Variants in SLC12A8 observed in about 807,000 individuals in gnomAD.
SLC12A8 encodes cation-chloride cotransporter 9.
Under a neutral mutation model 75.6 loss-of-function variants are expected in SLC12A8, and 69 were observed. The ratio of observed to expected loss-of-function variants is 0.91; its 90% CI spans 0.75 to 1.11. The LOEUF (loss-of-function observed/expected upper bound fraction) is 1.11. Among genes scored for constraint, SLC12A8 ranks in the 50% most tolerant of loss-of-function variants. SLC12A8 has a pLI of 0.00. For synonymous variants in SLC12A8, 365 were observed against 372.8 expected (o/e 0.98, Z 0.24); for missense variants, 877 against 896.7 (o/e 0.98, Z 0.28).
At position 125,091,484 on chromosome 3, in the gene SLC12A8, T is replaced by C. The variant is rs745580910; in HGVS notation, c.1876A>G (p.Ile626Val). 18 of 1,613,856 alleles carry C rather than the reference T, an allele frequency of 1.1e-5. No homozygotes were observed. The highest frequency in any genetic ancestry group is 1.5e-5 in the Non-Finnish European group (18 of 1,179,932). The change falls in exon 12 of 14, where the codon ATC becomes GTC. Residue 626 changes from isoleucine to valine, a missense_variant. By Grantham distance (29) the Ile-to-Val change is conservative (BLOSUM62 3). Coordinates refer to ENST00000469902, the MANE Select transcript of SLC12A8 (RefSeq NM_024628.6). ...YTLVNMGVAA[I>V]VYFYIGRASP... ...GCCCGGCCAATGTAGAAATACACGATGGCAGCAACACCCATGTTAACCAGG... is the reference window on the plus strand; with the variant it reads ...GCCCGGCCAATGTAGAAATACACGACGGCAGCAACACCCATGTTAACCAGG...
At chr3:125,202,569 G>C (rs1382115836) in intron 2 of SLC12A8, among the ~76,000 whole-genome samples, 2 of 151,840 alleles carry the variant, frequency 1.3e-5, no homozygotes, top group Non-Finnish European at 2.9e-5. Flanking sequence ...CCTTAAGGCA[G>C]TAAGAAGGTT....
At chr3:125,208,556 A>C (rs1319594009) in intron 2 of SLC12A8, among the ~76,000 whole-genome samples, 1 of 152,128 alleles carries the variant, frequency 6.6e-6, no homozygotes, top group Non-Finnish European at 1.5e-5. Flanking sequence ...TCTCTATGGT[A>C]GTTTCAATCA....
At chr3:125,179,978 A>T (rs1378767972) in intron 4 of SLC12A8, among the ~76,000 whole-genome samples, 2 of 152,232 alleles carry the variant, frequency 1.3e-5, no homozygotes, top group African/African-American at 4.8e-5. Flanking sequence ...GATGTCTCTG[A>T]CATGCAGAGG....
At chr3:125,191,189 A>T (rs374997583) in intron 2 of SLC12A8, among the ~76,000 whole-genome samples, 2 of 152,300 alleles carry the variant, frequency 1.3e-5, no homozygotes, top group East Asian at 1.9e-4. Flanking sequence ...ATACCCCAGG[A>T]TTCTTCAGCA....
intron 6 of SLC12A8, among the ~76,000 whole-genome samples, chr3:125,122,150 A>T (rs1043544811): frequency 3.9e-5 from 6 of 152,242 alleles, no homozygotes; most frequent in Non-Finnish European, 7.3e-5. Flanking sequence ...TTTAAGACGC[A>T]TATTAGAAAA....
In SLC12A8 at chr3:125,107,920, C is replaced by G. The variant is rs112841218; in HGVS notation, c.1266G>C (p.Glu422Asp). 17 of 1,614,188 alleles carry G rather than the reference C, an allele frequency of 1.1e-5. No individual in the cohort carries two copies. In the African/African-American group the frequency reaches 1.2e-4, roughly 11 times the overall value. ...LTPVPEPVLR[E>D]GAEGLHCSEH... The stretch of plus-strand genomic sequence containing the variant: ...CAGAGCAGTGGAGGCCTTCTGCGCC[C>G]TCCCTGAGCACCGGCTCAGGCACCG... The change falls in exon 10 of 14, where the codon GAG (glutamate) becomes GAC (aspartate). Residue 422 changes from glutamate to aspartate, a missense_variant. Coordinates refer to ENST00000469902, the MANE Select transcript of SLC12A8 (RefSeq NM_024628.6).
At chr3:125,085,678 G>A (rs1159413050) in intron 13 of SLC12A8, among the ~76,000 whole-genome samples, 5 of 152,288 alleles carry the variant, frequency 3.3e-5, no homozygotes, top group Non-Finnish European at 4.4e-5. Context: ...CCAGGTTCAA[G>A]CAATTCTCAT....
chr3:125,154,303 C>T (rs1447506678), intron 5 of SLC12A8, among the ~76,000 whole-genome samples: 1 of 152,312 alleles, frequency 6.6e-6, no homozygotes, highest in South Asian at 2.1e-4. Flanking sequence ...GAGCAGGCGG[C>T]CCCAGCAGCT....
chr3:125,173,023 A>T (rs1934438754), intron 5 of SLC12A8, among the ~76,000 whole-genome samples: 1 of 152,124 alleles, frequency 6.6e-6, no homozygotes, highest in African/African-American at 2.4e-5. Flanking sequence ...TACCAAAAAT[A>T]CAAAAATTAG....
At chr3:125,096,726 C>T (rs1391306717) in intron 10 of SLC12A8, among the ~76,000 whole-genome samples, 2 of 152,178 alleles carry the variant, frequency 1.3e-5, no homozygotes, top group Admixed American at 6.5e-5. Flanking sequence ...AAAATAAAGT[C>T]TGCAAGATTG....
chr3:125,091,378 T>G (rs946463476), intron 12 of SLC12A8, 61 bp downstream of exon 12: 1 of 1,116,928 alleles, frequency 9.0e-7, no homozygotes, highest in African/African-American at 1.5e-5. Flanking sequence ...AAAATCTTTT[T>G]TTTCCCAATG....
chr3:125,102,252 C>T (rs780270145), intron 10 of SLC12A8, among the ~76,000 whole-genome samples: 11 of 151,860 alleles, frequency 7.2e-5, no homozygotes, highest in East Asian at 3.9e-4. Flanking sequence ...GTGAAGCAAT[C>T]GGAGGAGGCA....
At position 125,182,273 on chromosome 3, in the gene SLC12A8, G is replaced by T. The variant is rs929425848; in HGVS notation, c.391-4299C>A. Among the ~76,000 whole-genome samples the T allele has an allele frequency of 2.6e-5, 4 of 152,204 alleles. No homozygotes were observed. The South Asian group carries it at 8.3e-4, about 32-fold the overall frequency. ...GCCCAGGAGTGCCAGGCTGCAGTGA[G>T]CTGTGATGGCGTCACTGCACTCCAC... On this transcript the variant is annotated intron_variant, in intron 4 of 13. Coordinates refer to ENST00000469902, the MANE Select transcript of SLC12A8 (RefSeq NM_024628.6).
In SLC12A8 at chr3:125,107,526, G is replaced by T; in HGVS notation, c.1660C>A (p.Gln554Lys). Residue 554 changes from glutamine (Q) to lysine (K), a missense_variant, in exon 10 of 14, where the codon CAA (glutamine) becomes AAA (lysine). Coordinates refer to ENST00000469902, the MANE Select transcript of SLC12A8 (RefSeq NM_024628.6). Reference sequence around the variant, plus strand: ...TGGTTGCACAGCTCAGGAACAAGTTGCTCTCCATATGTTCCCTCAGGCTGA... The same window carrying T: ...TGGTTGCACAGCTCAGGAACAAGTTTCTCTCCATATGTTCCCTCAGGCTGA... Reference protein sequence around the residue: ...GTQPEGTYGEQLVPELCNQSE... With the variant: ...GTQPEGTYGEKLVPELCNQSE... 1 of 1,613,800 alleles carries T rather than the reference G, an allele frequency of 6.2e-7. No homozygotes were observed.
chr3:125,155,999 T>C (rs1361198320), intron 5 of SLC12A8, among the ~76,000 whole-genome samples: 3 of 152,124 alleles, frequency 2.0e-5, no homozygotes, highest in East Asian at 1.9e-4. Context: ...GGTCACAGAC[T>C]TGTGAGCCAG....
At chr3:125,141,135 A>G (rs377540442) in intron 5 of SLC12A8, among the ~76,000 whole-genome samples, 1 of 146,444 alleles carries the variant, frequency 6.8e-6, no homozygotes, top group African/African-American at 2.5e-5. Context: ...TTTGAGCTGT[A>G]TGCTTTTAGG....
rs1437623568 is a variant in SLC12A8, at chr3:125,107,667, A to G, written c.1519T>C (p.Leu507=). ...AAAGAAGGAGGGGATTTGAGGTCCA[A>G]GAGGAAGCTATCTTGTAGGGTCTGC... The part of the protein sequence containing the change: ...TKQTLQDSFL[L]DLKSPPSFPV... Residue 507 remains leucine (L), a synonymous_variant, in exon 10 of 14, where the codon TTG becomes CTG. Coordinates refer to ENST00000469902, the MANE Select transcript of SLC12A8 (RefSeq NM_024628.6). 2 of 1,614,044 alleles carry G rather than the reference A, an allele frequency of 1.2e-6. No individual in the cohort carries two copies. Among genetic ancestry groups the G allele is most frequent in the East Asian group, 2.2e-5 (1 of 44,898 alleles).
At chr3:125,088,555 G>A (rs1938517059) in intron 12 of SLC12A8, among the ~76,000 whole-genome samples, 185 bp from the exon 13 acceptor site, 1 of 152,094 alleles carries the variant, frequency 6.6e-6, no homozygotes. Flanking sequence ...AGCCTACTAA[G>A]GACTTTTACT....
intron 8 of SLC12A8, among the ~76,000 whole-genome samples, chr3:125,115,095 T>TA (rs1332323878): frequency 6.6e-6 from 1 of 152,208 alleles, no homozygotes; most frequent in Non-Finnish European, 1.5e-5. Context: ...ATGTGCCAGG[T>TA]AAAATGTATT....
Sources: allele counts gnomAD v4.1 joint callset (sites outside exome capture counted in the v4.1 genomes callset), GRCh38; gene constraint gnomAD v4.1.1; transcripts MANE v1.5; gene names NCBI Gene and HGNC (gene_info 2026-07-23, HGNC 2026-07-21).